SCARA3: variants seen among roughly 807,000 people sequenced by gnomAD.
SCARA3 encodes the protein scavenger receptor class A member 3, also known as cellular stress response gene protein.
SCARA3 carries 39 observed loss-of-function variants against 47.0 expected under a neutral mutation model. The observed-to-expected ratio is 0.83, with a 90% CI of 0.64 to 1.08. The LOEUF is 1.08. SCARA3 is among the 50% of genes least tolerant of loss of function. SCARA3 has a pLI of 0.00. For missense variants in SCARA3, 724 were observed against 792.3 expected (o/e 0.91, Z 1.04); for synonymous variants, 356 against 334.1 (o/e 1.07, Z -0.71).
At chr8:27,661,557 T>A (rs1801914103) in intron 5 of SCARA3, among the ~76,000 whole-genome samples, 2 of 151,950 alleles carry the variant, frequency 1.3e-5, no homozygotes, top group African/African-American at 4.8e-5. Context: ...ATTAAAAAAA[T>A]AAGGAGGATT....
chr8:27,656,162 C>G (rs1216342273), intron 3 of SCARA3, among the ~76,000 whole-genome samples: 1 of 152,190 alleles, frequency 6.6e-6, no homozygotes, highest in Non-Finnish European at 1.5e-5. Flanking sequence ...AAGATATTCT[C>G]AGATACAAAG....
rs1018378285 is a variant in SCARA3, at chr8:27,671,582, A to G, written c.*231A>G. 1.7e-5 allele frequency: 22 copies of G among 1,261,566 alleles called. No homozygotes were observed. Among genetic ancestry groups the G allele is most frequent in the Non-Finnish European group, 2.2e-5 (22 of 1,007,438 alleles). The allele number at this position is 1,261,566 out of a possible 1,614,324, so 78.1% of individuals were successfully genotyped here. On this transcript the variant is annotated 3_prime_UTR_variant, in exon 6 of 6. Coordinates refer to ENST00000301904, the MANE Select transcript of SCARA3 (RefSeq NM_016240.3). ...CACACACATGCATGCACACACATGC[A>G]CACATACACGCACATGCACACATAC...
At chr8:27,687,433 G>A in the SCARA3 span, among the ~76,000 whole-genome samples, 3 of 152,144 alleles carry the variant, frequency 2.0e-5, no homozygotes, top group African/African-American at 7.2e-5. Flanking sequence ...CCTGGGTAGA[G>A]GGAATGATAA....
At chr8:27,656,907 T>A (rs1265804456) in intron 4 of SCARA3, 27 bp downstream of exon 4, 3 of 1,415,762 alleles carry the variant, frequency 2.1e-6, no homozygotes, top group Non-Finnish European at 2.0e-6. Context: ...ATGACTGTGA[T>A]GCAGTGATCT....
the SCARA3 span, among the ~76,000 whole-genome samples, chr8:27,714,075 A>G: frequency 3.6e-4 from 55 of 152,134 alleles, 1 homozygote; most frequent in South Asian, 4.8e-3. Flanking sequence ...CATGATTAGA[A>G]GCTTCCTGAG....
chr8:27,677,098 T>C (rs927119392), downstream of SCARA3, among the ~76,000 whole-genome samples: 5 of 152,188 alleles, frequency 3.3e-5, no homozygotes, highest in Non-Finnish European at 7.3e-5. Context: ...TAATAGGCAG[T>C]TTGCGGATCC....
downstream of SCARA3, among the ~76,000 whole-genome samples, chr8:27,673,454 G>A (rs1037016444): frequency 2.0e-5 from 3 of 152,246 alleles, no homozygotes; most frequent in African/African-American, 7.2e-5. Context: ...GAGGACAGCC[G>A]GATCCTCTGT....
chr8:27,670,933 A>G lies in SCARA3; in HGVS notation c.1403A>G (p.Lys468Arg), dbSNP rs377591516. ...APGPPGPRGF[K>R]GDMGVKGPVG... ...GGCCCTCCAGGACCAAGAGGATTCA[A>G]AGGAGATATGGGCGTGAAAGGGCCT... Residue 468 changes from lysine to arginine, a missense_variant, in exon 6 of 6, where the codon AAA becomes AGA. By Grantham distance (26) the Lys-to-Arg change is conservative. Coordinates refer to ENST00000301904, the MANE Select transcript of SCARA3 (RefSeq NM_016240.3). The G allele has an allele frequency of 5.1e-6, 8 of 1,570,286 alleles. No homozygotes were observed. The South Asian group carries it at 9.4e-5, about 19-fold the overall frequency.
At chr8:27,640,617 C>A (rs1194507043) in intron 1 of SCARA3, among the ~76,000 whole-genome samples, 1 of 151,178 alleles carries the variant, frequency 6.6e-6, no homozygotes, top group Non-Finnish European at 1.5e-5. Context: ...CGACCTCAAG[C>A]AATCCTCCCT....
At chr8:27,637,934 G>A (rs35563575) in intron 1 of SCARA3, among the ~76,000 whole-genome samples, 1 of 152,024 alleles carries the variant, frequency 6.6e-6, no homozygotes. Context: ...GCCAGGGCTA[G>A]AAGAAAAGGA....
At chr8:27,638,086 C>G (rs1348662587) in intron 1 of SCARA3, among the ~76,000 whole-genome samples, 1 of 152,152 alleles carries the variant, frequency 6.6e-6, no homozygotes, top group Non-Finnish European at 1.5e-5. Context: ...AGTCACTTTG[C>G]CCTCTAGCTG....
downstream of SCARA3, chr8:27,676,551 G>A (rs752486185): frequency 7.4e-6 from 12 of 1,610,862 alleles, no homozygotes; most frequent in Non-Finnish European, 9.3e-6. Context: ...ACATCTCAAT[G>A]TGTTTCATCT....
At chr8:27,643,508 G>A (rs928152306) in intron 1 of SCARA3, among the ~76,000 whole-genome samples, 3 of 152,190 alleles carry the variant, frequency 2.0e-5, no homozygotes, top group Non-Finnish European at 2.9e-5. Flanking sequence ...GCGGGCAGGC[G>A]GATTCCCAAC....
the SCARA3 span, among the ~76,000 whole-genome samples, chr8:27,686,494 AAAT>A: frequency 4.7e-4 from 71 of 152,156 alleles, no homozygotes; most frequent in South Asian, 1.0e-3. Context: ...TAAAGACAAA[AAAT>A]AATAATACTA....
At chr8:27,727,795 A>G in the SCARA3 span, among the ~76,000 whole-genome samples, 1 of 152,266 alleles carries the variant, frequency 6.6e-6, no homozygotes, top group Admixed American at 6.5e-5. Flanking sequence ...AGCAGAGAGC[A>G]AGAAGGGATT....
the SCARA3 span, among the ~76,000 whole-genome samples, chr8:27,691,194 C>T: frequency 6.6e-6 from 1 of 152,006 alleles, no homozygotes; most frequent in Non-Finnish European, 1.5e-5. Flanking sequence ...AGGCAGGCTG[C>T]CTTTCCAAAG....
chr8:27,651,230 C>T (rs898569464), intron 2 of SCARA3, among the ~76,000 whole-genome samples: 3 of 152,218 alleles, frequency 2.0e-5, no homozygotes, highest in Non-Finnish European at 4.4e-5. Context: ...AGAGGTGTTT[C>T]CCCTCCCCAT....
chr8:27,647,656 G>A (rs1309962910), intron 1 of SCARA3, among the ~76,000 whole-genome samples: 1 of 152,216 alleles, frequency 6.6e-6, no homozygotes, highest in East Asian at 1.9e-4. Context: ...CAGGAGAGGA[G>A]CATTCTCCTA....
At chr8:27,688,391 G>A in the SCARA3 span, among the ~76,000 whole-genome samples, 6 of 148,722 alleles carry the variant, frequency 4.0e-5, no homozygotes, top group Admixed American at 6.7e-5. Context: ...GGAAGTCCTT[G>A]ATATTGGCAA....
Sources: gnomAD v4.1 joint callset for allele counts (sites outside exome capture counted in the v4.1 genomes callset) on GRCh38, gnomAD v4.1.1 for gene constraint, MANE v1.5 for transcripts, NCBI Gene and HGNC (gene_info 2026-07-23, HGNC 2026-07-21) for gene names.